ESR1: variants seen among roughly 807,000 people sequenced by gnomAD.
The protein encoded by ESR1 is estrogen receptor.
A neutral mutation model predicts 52.7 loss-of-function variants in ESR1; 12 were observed. That is an observed-to-expected ratio of 0.23 (90% CI 0.15 to 0.37). The LOEUF is 0.37. ESR1 is among the 10% of genes least tolerant of loss of function. The pLI is 1.00. For synonymous variants in ESR1, 305 were observed against 316.8 expected (o/e 0.96, Z 0.39); for missense variants, 584 against 779.7 (o/e 0.75, Z 2.99).
At chr6:151,888,089 T>C (rs925494538) in intron 3 of ESR1, among the ~76,000 whole-genome samples, 39 of 152,306 alleles carry the variant, frequency 2.6e-4, no homozygotes, top group African/African-American at 9.1e-4. Context: ...ATATTTTGAG[T>C]CAGGTAGTGT....
rs1241809429 is a variant in ESR1 at position 151,948,639 on chromosome 6, G to A, written c.1096+4131G>A. Among the ~76,000 whole-genome samples the A allele has an allele frequency of 2.6e-5, 4 of 152,072 alleles. No individual in the cohort carries two copies. In the East Asian group the frequency reaches 7.7e-4, roughly 29 times the overall value. ...GAGTCCCCCTCTAATCAACACTCTA[G>A]AAGGCCCCTCTTCCTCCTCAGTCCT... On this transcript the variant is annotated intron_variant, in intron 4 of 7. Transcript: ENST00000206249.
intron 2 of ESR1, among the ~76,000 whole-genome samples, chr6:151,796,109 T>G (rs1776677440): frequency 6.7e-6 from 1 of 148,714 alleles, no homozygotes; most frequent in Admixed American, 6.7e-5. Flanking sequence ...GAGCTTGCAG[T>G]GAGCCGAGAT....
intron 1 of ESR1, among the ~76,000 whole-genome samples, chr6:151,839,884 G>A (rs141008762): frequency 5.3e-4 from 81 of 152,198 alleles, no homozygotes; most frequent in African/African-American, 1.9e-3. Context: ...CTGGTTGCAC[G>A]ATGATGTGAG....
chr6:152,053,518 TTCTC>T lies in ESR1; in HGVS notation c.1236-7470_1236-7467del, dbSNP rs1238264179. Among the ~76,000 whole-genome samples the T allele has an allele frequency of 6.6e-6, 1 of 151,766 alleles. No individual in the cohort carries two copies. ...AGTCTCTCTCCCATTCTCTTTCTCT[TTCTC>T]TCAATCTCTCTCTTCCTCTCTCTCT... is the stretch of plus-strand genomic sequence containing the variant. On this transcript the variant is annotated intron_variant, in intron 5 of 7. Transcript: ENST00000206249. This position sits in a 1 kb window ranked among gnomAD's most constrained non-coding sequence, Gnocchi z 4.1.
At chr6:152,021,712 A>G (rs2043668469) in intron 5 of ESR1, among the ~76,000 whole-genome samples, 1 of 152,134 alleles carries the variant, frequency 6.6e-6, no homozygotes, top group Non-Finnish European at 1.5e-5. Flanking sequence ...CTCATCCTGA[A>G]TTTTAGCCTC....
At chr6:151,949,170 G>A (rs1034709282) in intron 4 of ESR1, among the ~76,000 whole-genome samples, 1 of 152,166 alleles carries the variant, frequency 6.6e-6, no homozygotes, top group Non-Finnish European at 1.5e-5. Context: ...AAGGGACAGA[G>A]AAACAGCTAG....
chr6:151,972,242 C>G (rs537526856), intron 4 of ESR1, among the ~76,000 whole-genome samples: 1 of 152,220 alleles, frequency 6.6e-6, no homozygotes, highest in Admixed American at 6.5e-5. Flanking sequence ...AAATTGATAC[C>G]AATCCTACTG....
chr6:152,020,487 G>T (rs1048198668), intron 5 of ESR1, among the ~76,000 whole-genome samples: 1 of 152,052 alleles, frequency 6.6e-6, no homozygotes, highest in Non-Finnish European at 1.5e-5. Flanking sequence ...ATCTTGCTCT[G>T]TCACCTAGAC....
Position 152,002,185 on chromosome 6 carries a change from A to AGTGTGTGTGTGTGT in ESR1, c.1097-9447_1097-9434dup, listed in dbSNP as rs10578838. On this transcript the variant is annotated intron_variant, in intron 4 of 7. Coordinates refer to ENST00000206249, the MANE Select transcript of ESR1 (RefSeq NM_000125.4). ...AGGTGTTCCTCTAGATTTTAAATCAAGTGTGTGTGTGTGTGTGTGTGTGTG... is the reference window on the plus strand; with the variant it reads ...AGGTGTTCCTCTAGATTTTAAATCAAGTGTGTGTGTGTGTGTGTGTGTGTGTGTGTGTGTGTGTG... 9.4e-3 allele frequency among the ~76,000 whole-genome samples: 1,333 copies of AGTGTGTGTGTGTGT among 141,458 alleles called. 11 individuals carry two copies. Among genetic ancestry groups the AGTGTGTGTGTGTGT allele is most frequent in the African/African-American group, 0.021 (819 of 38,448 alleles). 92.8% of individuals were successfully genotyped at this position (141,458 alleles called of 152,430 possible).
intron 5 of ESR1, among the ~76,000 whole-genome samples, chr6:152,029,721 G>A (rs890435633): frequency 1.3e-4 from 20 of 152,174 alleles, no homozygotes; most frequent in African/African-American, 4.8e-4. Flanking sequence ...CACTCTGCAG[G>A]ATATTATCCA....
chr6:152,076,703 G>T (rs1022073179), intron 6 of ESR1, among the ~76,000 whole-genome samples: 5 of 152,178 alleles, frequency 3.3e-5, no homozygotes, highest in Non-Finnish European at 5.9e-5. Flanking sequence ...TTGGGAAGTG[G>T]AGCAAAGGTG....
intron 4 of ESR1, among the ~76,000 whole-genome samples, chr6:151,951,518 A>G (rs961137937): frequency 2.0e-5 from 3 of 152,238 alleles, no homozygotes; most frequent in Admixed American, 1.3e-4. Flanking sequence ...CTGCTTGGAC[A>G]TATTTAGTAA....
intron 1 of ESR1, among the ~76,000 whole-genome samples, chr6:151,812,398 A>T (rs182680662): frequency 2.4e-4 from 36 of 152,318 alleles, no homozygotes; most frequent in Admixed American, 2.0e-3. Context: ...TGTGAAAGTC[A>T]AATTTAAGTA....
At chr6:151,686,451 C>T (rs944794310), upstream of ESR1, among the ~76,000 whole-genome samples, 7 of 152,058 alleles carry the variant, frequency 4.6e-5, no homozygotes, top group Non-Finnish European at 8.8e-5. Flanking sequence ...TTTGGGAGGC[C>T]GAGGCGGCCG....
chr6:151,874,847 G>A (rs1422469630), intron 2 of ESR1, among the ~76,000 whole-genome samples: 1 of 152,082 alleles, frequency 6.6e-6, no homozygotes, highest in Admixed American at 6.6e-5. Context: ...GATGATTCAA[G>A]GAAACTGCTA....
At chr6:151,980,358 G>A (rs2039875029) in intron 4 of ESR1, among the ~76,000 whole-genome samples, 1 of 152,106 alleles carries the variant, frequency 6.6e-6, no homozygotes, top group South Asian at 2.1e-4. Context: ...TCTCTTTGAT[G>A]TGTCACTATA....
At chr6:151,761,369 C>T (rs1784647431) in intron 2 of ESR1, among the ~76,000 whole-genome samples, 1 of 152,080 alleles carries the variant, frequency 6.6e-6, no homozygotes, top group Admixed American at 6.5e-5. Context: ...TAGGCCTATA[C>T]TACCCTAGGC....
intron 1 of ESR1, among the ~76,000 whole-genome samples, chr6:151,664,073 C>T (rs1777734723): frequency 6.6e-6 from 1 of 152,060 alleles, no homozygotes; most frequent in Non-Finnish European, 1.5e-5. Flanking sequence ...GATGCCATCC[C>T]AGGTACATCA....
intron 1 of ESR1, among the ~76,000 whole-genome samples, chr6:151,836,149 T>G (rs1279062483): frequency 6.6e-6 from 1 of 152,220 alleles, no homozygotes; most frequent in Non-Finnish European, 1.5e-5. Context: ...CAGAGTGTTT[T>G]GAAGAAATAA....
Sources: gnomAD v4.1 joint callset for allele counts (sites outside exome capture counted in the v4.1 genomes callset) on GRCh38, gnomAD v4.1.1 for gene constraint, Gnocchi (gnomAD v3.1) non-coding constraint, MANE v1.5 for transcripts, NCBI Gene and HGNC (gene_info 2026-07-23, HGNC 2026-07-21) for gene names.